MAST4: variants seen among roughly 807,000 people sequenced by gnomAD.
MAST4 encodes the protein microtubule associated serine/threonine kinase family member 4.
Under a neutral mutation model 162.7 loss-of-function variants are expected in MAST4, and 89 were observed. The ratio of observed to expected loss-of-function variants is 0.55; its 90% CI spans 0.46 to 0.65. The LOEUF is 0.65. MAST4 is among the 30% of genes least tolerant of loss of function. The pLI is 0.00. For synonymous variants in MAST4, 1,479 were observed against 1,361.1 expected (o/e 1.09, Z -1.91); for missense variants, 3,153 against 3,374.0 (o/e 0.93, Z 1.62).
At chr5:67,124,422 C>T (rs1233461328) in intron 14 of MAST4, among the ~76,000 whole-genome samples, 1 of 150,794 alleles carries the variant, frequency 6.6e-6, no homozygotes, top group African/African-American at 2.4e-5. Flanking sequence ...TTCTCTCTGT[C>T]TCTCTCTCTC....
chr5:66,717,120 C>A (rs1004677194), intron 1 of MAST4, among the ~76,000 whole-genome samples: 1 of 152,132 alleles, frequency 6.6e-6, no homozygotes, highest in East Asian at 1.9e-4. Context: ...GCCTGGACTT[C>A]AGGCTAAGCA....
chr5:66,830,583 G>A (rs1377331074), intron 3 of MAST4, among the ~76,000 whole-genome samples: 1 of 152,152 alleles, frequency 6.6e-6, no homozygotes, highest in Admixed American at 6.5e-5. Flanking sequence ...TCTTCATGCT[G>A]TGAAAAATAA....
Position 67,095,632 on chromosome 5 carries a change from C to A in MAST4, c.869C>A (p.Pro290His). Residue 290 changes from proline to histidine, a missense_variant, in exon 7 of 29, where the codon CCT becomes CAT. This residue lies in a region of MAST4 where 360 missense variants were observed against 450.0 expected (regional missense o/e 0.80). Transcript: ENST00000403625. ...DGRRWSLASL[P>H]SSGYGTNTPS... is the part of the protein sequence containing the mutation. ...CGCCGCTGGTCGTTGGCTTCTCTCC[C>A]TTCCTCTGGCTATGGGACAAACACA... 1.2e-6 allele frequency: 2 copies of A among 1,610,030 alleles called. No homozygotes were observed. The highest frequency in any genetic ancestry group is 1.7e-6 in the Non-Finnish European group (2 of 1,177,758).
At chr5:66,943,086 C>T (rs1743554523) in intron 4 of MAST4, among the ~76,000 whole-genome samples, 2 of 152,076 alleles carry the variant, frequency 1.3e-5, no homozygotes, top group South Asian at 4.1e-4. Flanking sequence ...CCTTCCCCTT[C>T]CAAATACCAT....
chr5:66,605,120 ACT>A (rs2149386341), intron 1 of MAST4, among the ~76,000 whole-genome samples: 1 of 152,284 alleles, frequency 6.6e-6, no homozygotes, highest in African/African-American at 2.4e-5. Flanking sequence ...CATAAGACAA[ACT>A]CACAAAATTT....
At chr5:66,858,498 T>C (rs1010527445) in intron 3 of MAST4, among the ~76,000 whole-genome samples, 3 of 152,196 alleles carry the variant, frequency 2.0e-5, no homozygotes, top group African/African-American at 7.2e-5. Flanking sequence ...ACATTGGTGT[T>C]AGGGTCTGTT....
At chr5:66,642,896 G>C (rs1745580417) in intron 1 of MAST4, among the ~76,000 whole-genome samples, 1 of 152,182 alleles carries the variant, frequency 6.6e-6, no homozygotes, top group Non-Finnish European at 1.5e-5. Flanking sequence ...GTTATTTGCT[G>C]TGGTTTCTAT....
intron 1 of MAST4, among the ~76,000 whole-genome samples, chr5:66,702,380 G>C (rs960191139): frequency 1.3e-5 from 2 of 152,314 alleles, no homozygotes; most frequent in African/African-American, 4.8e-5. Context: ...GGGGTAGAGG[G>C]AATGTGGTGA....
chr5:66,597,019 G>T lies in MAST4; in HGVS notation c.363+1G>T. On this transcript the variant is annotated splice_donor_variant, in intron 1 of 28. Coordinates refer to ENST00000403625, the MANE Select transcript of MAST4 (RefSeq NM_001164664.2). LOFTEE classifies it high-confidence loss of function. The stretch of plus-strand genomic sequence containing the variant: ...GTCCCAGGAGGAGCAGGACGAGGAG[G>T]TGGGCCTTTCCCCAGCTTGCCCACT... The T allele has an allele frequency of 6.9e-7, 1 of 1,439,910 alleles. No individual in the cohort carries two copies. The highest frequency in any genetic ancestry group is 2.7e-5 in the Admixed American group (1 of 37,084). The allele number at this position is 1,439,910 out of a possible 1,614,324, so 89.2% of individuals were successfully genotyped here.
chr5:66,963,690 G>A (rs373658859), intron 4 of MAST4: 31 of 779,494 alleles, frequency 4.0e-5, no homozygotes, highest in South Asian at 1.1e-4. Flanking sequence ...TTGGAATGAC[G>A]TTATTTTAAC....
intron 1 of MAST4, among the ~76,000 whole-genome samples, chr5:66,673,768 G>A (rs1365318395): frequency 1.3e-5 from 2 of 152,142 alleles, no homozygotes; most frequent in African/African-American, 2.4e-5. Context: ...GATTATAGGC[G>A]TGAGCCACTG....
At position 67,168,566 on chromosome 5, in the gene MAST4, A is replaced by G. The variant is rs1774299794; in HGVS notation, c.*1515A>G. 1 of 152,156 alleles carries G rather than the reference A, an allele frequency of 6.6e-6. No homozygotes were observed. The highest frequency in any genetic ancestry group is 6.5e-5 in the Admixed American group (1 of 15,274). 9.4% of individuals were successfully genotyped at this position (152,156 alleles called of 1,614,324 possible). On this transcript the variant is annotated 3_prime_UTR_variant, in exon 29 of 29. Transcript: ENST00000403625. ...GGCTTGTTTTGTATTGTAAGATGGCACTTGCTGATATAAATACTAAGGCAC... is the reference window on the plus strand; with the variant it reads ...GGCTTGTTTTGTATTGTAAGATGGCGCTTGCTGATATAAATACTAAGGCAC...
Position 67,164,893 on chromosome 5 carries a change from C to G in MAST4, c.5714C>G (p.Pro1905Arg). The change falls in exon 29 of 29, where the codon CCT becomes CGT. Residue 1905 changes from proline (P) to arginine (R), a missense_variant. By Grantham distance (103) the Pro-to-Arg change is moderately radical. Coordinates refer to ENST00000403625, the MANE Select transcript of MAST4 (RefSeq NM_001164664.2). This position sits in a 1 kb window ranked among gnomAD's most constrained non-coding sequence, Gnocchi z 5.3. ...AAGAGGGACAGGAAAGGTCCCCATC[C>G]TACTGCCAGGAGCCCTGGAACAGTC... ...EFKRDRKGPH[P>R]TARSPGTVME... 6.2e-7 allele frequency: 1 copy of G among 1,614,034 alleles called. No individual in the cohort carries two copies. The highest frequency in any genetic ancestry group is 8.5e-7 in the Non-Finnish European group (1 of 1,179,906).
At position 66,957,186 on chromosome 5, in the gene MAST4, A is replaced by C. The variant is rs147900323; in HGVS notation, c.674+57204A>C. 4.8e-3 allele frequency among the ~76,000 whole-genome samples: 726 copies of C among 152,268 alleles called. 6 individuals carry two copies. Among genetic ancestry groups the C allele is most frequent in the African/African-American group, 0.016 (681 of 41,550 alleles). On this transcript the variant is annotated intron_variant, in intron 4 of 28. Transcript: ENST00000403625. ...TGAAGGTCTACTTTAAAAGTTAAAG[A>C]ATTTGTGGATTTCGCTTTATTTTTT...
At chr5:66,834,465 A>G (rs1429549235) in intron 3 of MAST4, among the ~76,000 whole-genome samples, 1 of 152,160 alleles carries the variant, frequency 6.6e-6, no homozygotes, top group Non-Finnish European at 1.5e-5. Context: ...ACCAGAGGGA[A>G]AGGGAGCCCA....
chr5:66,720,351 A>T (rs974963112), intron 1 of MAST4, among the ~76,000 whole-genome samples: 1 of 152,196 alleles, frequency 6.6e-6, no homozygotes, highest in African/African-American at 2.4e-5. Flanking sequence ...CATTAAAAAA[A>T]ATTTGATAGT....
intron 1 of MAST4, among the ~76,000 whole-genome samples, chr5:66,663,448 T>A (rs912526005): frequency 1.2e-4 from 19 of 152,156 alleles, no homozygotes; most frequent in African/African-American, 4.3e-4. Context: ...TTAAGGGAGA[T>A]AGCGAGTGAT....
At chr5:67,013,240 A>T (rs899398292) in intron 4 of MAST4, among the ~76,000 whole-genome samples, 4 of 152,200 alleles carry the variant, frequency 2.6e-5, no homozygotes, top group African/African-American at 9.7e-5. Context: ...TAGCTGTTCA[A>T]AGTAAGTACC....
intron 1 of MAST4, among the ~76,000 whole-genome samples, chr5:66,721,277 G>C (rs538246303): frequency 3.9e-5 from 6 of 152,144 alleles, no homozygotes; most frequent in African/African-American, 1.4e-4. Context: ...ACCTCCCCCT[G>C]CTCTCTCTTG....
Sources: allele counts gnomAD v4.1 joint callset (sites outside exome capture counted in the v4.1 genomes callset), GRCh38; gene constraint gnomAD v4.1.1; regional missense constraint gnomAD v4.1.1; non-coding constraint Gnocchi (gnomAD v3.1); transcripts MANE v1.5; gene names NCBI Gene and HGNC (gene_info 2026-07-23, HGNC 2026-07-21).